The following ZNF521 variants were observed in gnomAD, a reference collection of about 807,000 sequenced individuals.
The protein encoded by ZNF521 is zinc finger protein 521, also known as LYST-interacting protein 3.
Under a neutral mutation model 105.5 loss-of-function variants are expected in ZNF521, and 14 were observed. The observed-to-expected ratio is 0.13, with a 90% CI of 0.09 to 0.21. The LOEUF (loss-of-function observed/expected upper bound fraction) is 0.21. Ranked by LOEUF, ZNF521 falls within the 10% of genes least tolerant of loss-of-function variation. ZNF521 has a pLI of 1.00. For synonymous variants in ZNF521, 635 were observed against 606.0 expected, an observed-to-expected ratio of 1.05 and a Z score of -0.70; for missense variants, 1,233 against 1,629.7, an observed-to-expected ratio of 0.76 and a Z score of 4.19.
At chr18:25,231,442 C>T (rs1053199500) in intron 3 of ZNF521, 4 of 152,206 alleles carry the variant, frequency 2.6e-5, no homozygotes, top group Non-Finnish European at 2.9e-5. Flanking sequence ...AGTTATTCCA[C>T]AGAAAAAAGG....
chr18:25,075,835 T>C (rs550081435), intron 7 of ZNF521, among the ~76,000 whole-genome samples: 1 of 152,352 alleles, frequency 6.6e-6, no homozygotes, highest in African/African-American at 2.4e-5. Flanking sequence ...GAACTTCTTT[T>C]TCTCCCCTGA....
At chr18:25,203,796 C>T (rs1600150541) in intron 4 of ZNF521, among the ~76,000 whole-genome samples, 1 of 152,008 alleles carries the variant, frequency 6.6e-6, no homozygotes, top group African/African-American at 2.4e-5. Flanking sequence ...TTTATAGTAC[C>T]AGGGAGAAAA....
At chr18:25,122,888 C>T (rs1384694214) in intron 5 of ZNF521, among the ~76,000 whole-genome samples, 1 of 152,032 alleles carries the variant, frequency 6.6e-6, no homozygotes, top group East Asian at 1.9e-4. Context: ...CAGAATGGGA[C>T]ATGAAACTTG....
At chr18:25,152,304 C>T (rs1008275668) in intron 5 of ZNF521, among the ~76,000 whole-genome samples, 1 of 151,894 alleles carries the variant, frequency 6.6e-6, no homozygotes, top group Non-Finnish European at 1.5e-5. Flanking sequence ...AATGGCAAAA[C>T]CCCGTCTCTA....
At chr18:25,180,147 G>A (rs908914561) in intron 5 of ZNF521, among the ~76,000 whole-genome samples, 1 of 152,138 alleles carries the variant, frequency 6.6e-6, no homozygotes, top group Non-Finnish European at 1.5e-5. Flanking sequence ...ACACTTGGAA[G>A]ATTATAATTT....
At chr18:25,188,607 A>G (rs2035766710) in intron 5 of ZNF521, among the ~76,000 whole-genome samples, 1 of 152,200 alleles carries the variant, frequency 6.6e-6, no homozygotes, top group South Asian at 2.1e-4. Context: ...GATAAGGAAC[A>G]TATCAAAGAG....
intron 5 of ZNF521, among the ~76,000 whole-genome samples, chr18:25,158,862 A>T (rs1317232631): frequency 6.6e-6 from 1 of 152,104 alleles, no homozygotes; most frequent in Non-Finnish European, 1.5e-5. Context: ...AGGCTGAGGC[A>T]GGAGAATCAC....
chr18:25,250,748 T>C (rs1403384815), intron 3 of ZNF521, among the ~76,000 whole-genome samples: 1 of 152,222 alleles, frequency 6.6e-6, no homozygotes, highest in Non-Finnish European at 1.5e-5. Flanking sequence ...TCGATTTCCC[T>C]CAAACACAAT....
intron 5 of ZNF521, among the ~76,000 whole-genome samples, chr18:25,166,806 T>C (rs932853251): frequency 5.3e-5 from 8 of 152,188 alleles, no homozygotes; most frequent in African/African-American, 1.9e-4. Context: ...TATTTAAATA[T>C]TGATATTAAT....
chr18:25,064,305 AT>A (rs1488180149), intron 7 of ZNF521, among the ~76,000 whole-genome samples: 1 of 93,634 alleles, frequency 1.1e-5, no homozygotes, highest in Non-Finnish European at 2.2e-5. Context: ...CTGCCTAGCC[AT>A]TGGGGAATGG....
chr18:25,219,473 T>TCCTC (rs1905551631), intron 4 of ZNF521, among the ~76,000 whole-genome samples: 1 of 152,188 alleles, frequency 6.6e-6, no homozygotes. Context: ...TGTGAGTGGA[T>TCCTC]ACGTGTAGCA....
At chr18:25,134,805 C>T (rs1438107761) in intron 5 of ZNF521, among the ~76,000 whole-genome samples, 1 of 151,998 alleles carries the variant, frequency 6.6e-6, no homozygotes. Flanking sequence ...GATTCCAGCT[C>T]AACACTTTGC....
intron 5 of ZNF521, among the ~76,000 whole-genome samples, chr18:25,097,803 T>G (rs2033884550): frequency 6.6e-6 from 1 of 152,218 alleles, no homozygotes; most frequent in Non-Finnish European, 1.5e-5. Flanking sequence ...ACTTAGTTAC[T>G]GGCTGTTTTT....
At chr18:25,187,017 A>C (rs1455118829) in intron 5 of ZNF521, among the ~76,000 whole-genome samples, 1 of 152,074 alleles carries the variant, frequency 6.6e-6, no homozygotes, top group Non-Finnish European at 1.5e-5. Context: ...ATTGTGTCTG[A>C]TATGTACGTC....
intron 3 of ZNF521, among the ~76,000 whole-genome samples, chr18:25,276,606 A>G (rs1568050452): frequency 6.6e-6 from 1 of 152,198 alleles, no homozygotes; most frequent in Non-Finnish European, 1.5e-5. Context: ...AGTGGAGCAT[A>G]ATGCATTAAT....
intron 5 of ZNF521, among the ~76,000 whole-genome samples, chr18:25,150,340 T>C (rs2035023294): frequency 6.6e-6 from 1 of 152,138 alleles, no homozygotes; most frequent in African/African-American, 2.4e-5. Context: ...TGTATACTGC[T>C]TCGGTGATGG....
At chr18:25,124,718 TTCTA>T (rs1242086922) in intron 5 of ZNF521, among the ~76,000 whole-genome samples, 5 of 152,180 alleles carry the variant, frequency 3.3e-5, no homozygotes, top group South Asian at 2.1e-4. Context: ...CTAGTAAAAA[TTCTA>T]TCTATTTAAG....
chr18:25,172,027 TG>T (rs1215880326), intron 5 of ZNF521, among the ~76,000 whole-genome samples: 3 of 151,476 alleles, frequency 2.0e-5, no homozygotes, highest in African/African-American at 7.2e-5. Flanking sequence ...AGTTCTCTTT[TG>T]GGGGGGAAGA....
chr18:25,226,428 C>T lies in ZNF521; in HGVS notation c.1490G>A (p.Arg497Gln), dbSNP rs1217653868. Reference protein sequence around the residue: ...NDLNTLQEHIRCSHGFANPAA... With the variant: ...NDLNTLQEHIQCSHGFANPAA... Reference sequence around the variant, plus strand: ...AGGGTTTGCAAATCCATGAGAACATCGGATGTGTTCCTGAAGAGTGTTGAG... The same window carrying T: ...AGGGTTTGCAAATCCATGAGAACATTGGATGTGTTCCTGAAGAGTGTTGAG... Residue 497 changes from arginine (R) to glutamine (Q), a missense_variant, in exon 4 of 8, where the codon CGA becomes CAA. Around this residue, in one of 6 missense-constraint regions of ZNF521, gnomAD observed 380 missense variants for 478.0 expected, o/e 0.80. Transcript: ENST00000361524. This position sits in a 1 kb window ranked among gnomAD's most constrained non-coding sequence, Gnocchi z 4.1. 6 of 1,613,980 alleles carry T rather than the reference C, an allele frequency of 3.7e-6. No individual in the cohort carries two copies. Among genetic ancestry groups the T allele is most frequent in the East Asian group, 2.2e-5 (1 of 44,872 alleles).
Sources: gnomAD v4.1 joint callset for allele counts (sites outside exome capture counted in the v4.1 genomes callset) on GRCh38, gnomAD v4.1.1 for gene constraint, gnomAD v4.1.1 regional missense constraint, Gnocchi (gnomAD v3.1) non-coding constraint, MANE v1.5 for transcripts, NCBI Gene and HGNC (gene_info 2026-07-23, HGNC 2026-07-21) for gene names.